The following C20orf203 variants were observed in gnomAD, a reference collection of about 807,000 sequenced individuals.
C20orf203 encodes the protein uncharacterized protein C20orf203.
A neutral mutation model predicts 15.9 loss-of-function variants in C20orf203; 16 were observed. The observed-to-expected ratio is 1.01, with a 90% CI of 0.68 to 1.53. The LOEUF (loss-of-function observed/expected upper bound fraction) is 1.53. C20orf203 is among the 40% of genes most tolerant of loss of function. The pLI is 0.00. For missense variants in C20orf203, 263 were observed against 247.5 expected, an observed-to-expected ratio of 1.06 and a Z score of -0.42; for synonymous variants, 98 against 97.2, an observed-to-expected ratio of 1.01 and a Z score of -0.05.
chr20:32,634,299 C>T, intron 5 of C20orf203, 29 bp from the exon 6 acceptor site: 1 of 398,302 alleles, frequency 2.5e-6, no homozygotes, highest in East Asian at 3.6e-5. Flanking sequence ...ATTAGCAAGA[C>T]AGGCATTGGG....
At chr20:32,642,389 T>C (rs1209515126) in intron 4 of C20orf203, among the ~76,000 whole-genome samples, 2 of 152,164 alleles carry the variant, frequency 1.3e-5, no homozygotes, top group African/African-American at 2.4e-5. Flanking sequence ...CAGACAAGTA[T>C]ATCTCTAGGA....
intron 5 of C20orf203, among the ~76,000 whole-genome samples, chr20:32,638,590 G>T (rs1224365867): frequency 2.0e-5 from 3 of 152,224 alleles, no homozygotes; most frequent in Non-Finnish European, 4.4e-5. Flanking sequence ...AAAGGGAAGA[G>T]GACAGAGACC....
rs576877978 is a variant in C20orf203 at position 32,637,347 on chromosome 20, A to T, written c.*1300-3077T>A. 3.3e-5 allele frequency among the ~76,000 whole-genome samples: 5 copies of T among 152,296 alleles called. No homozygotes were observed. The East Asian group carries it at 9.6e-4, about 29-fold the overall frequency. On this transcript the variant is annotated intron_variant, in intron 5 of 5. Transcript: ENST00000608990. The stretch of plus-strand genomic sequence containing the variant: ...AGAACCGCTTGAACCCAGGAAGAGG[A>T]GGTTGCAGGGAGCCAAGATCACGCC...
At chr20:32,671,163 A>G (rs1359234639) in intron 1 of C20orf203, among the ~76,000 whole-genome samples, 2 of 152,242 alleles carry the variant, frequency 1.3e-5, no homozygotes, top group Admixed American at 1.3e-4. Context: ...CATATGATCC[A>G]GGAATCCCAC....
intron 5 of C20orf203, among the ~76,000 whole-genome samples, chr20:32,638,922 G>A (rs529750806): frequency 6.6e-6 from 1 of 152,360 alleles, no homozygotes; most frequent in Admixed American, 6.5e-5. Flanking sequence ...TCTGTGTCAG[G>A]AGCTGCGGTG....
chr20:32,651,379 G>A (rs1399037543), intron 2 of C20orf203, among the ~76,000 whole-genome samples: 1 of 151,724 alleles, frequency 6.6e-6, no homozygotes, highest in African/African-American at 2.4e-5. Flanking sequence ...CGAGAAAATT[G>A]GAGCAAATGA....
In C20orf203 at chr20:32,650,424, G is replaced by C. The variant is rs374459215; in HGVS notation, c.*8C>G. 109 of 1,546,438 alleles carry C rather than the reference G, an allele frequency of 7.0e-5. No individual in the cohort carries two copies. The African/African-American group carries it at 1.4e-3, about 20-fold the overall frequency. On this transcript the variant is annotated 3_prime_UTR_variant, in exon 4 of 6. Transcript: ENST00000608990. Reference sequence around the variant, plus strand: ...GCAGAGCTGGGGGTGGGGGCGCCCTGGGCTCGGCTAATTAAACAGCGACCG... The same window carrying C: ...GCAGAGCTGGGGGTGGGGGCGCCCTCGGCTCGGCTAATTAAACAGCGACCG...
At chr20:32,666,309 A>C (rs545403596) in intron 1 of C20orf203, among the ~76,000 whole-genome samples, 65 of 151,992 alleles carry the variant, frequency 4.3e-4, no homozygotes, top group Non-Finnish European at 8.7e-4. Context: ...TCTACAAAAA[A>C]TACAAAAATT....
chr20:32,637,561 C>T (rs1982171511), intron 5 of C20orf203, among the ~76,000 whole-genome samples: 1 of 152,192 alleles, frequency 6.6e-6, no homozygotes, highest in Non-Finnish European at 1.5e-5. Flanking sequence ...CCACTCCCCA[C>T]CCCCACTTTA....
At chr20:32,636,046 GCCCCC>G (rs1204551549) in intron 5 of C20orf203, among the ~76,000 whole-genome samples, 1 of 152,038 alleles carries the variant, frequency 6.6e-6, no homozygotes, top group Non-Finnish European at 1.5e-5. Context: ...CAGCCCCCAG[GCCCCC>G]CTCAGGGTCC....
rs886610925 is a variant in C20orf203 at position 32,651,911 on chromosome 20, G to A, written c.-193C>T. On this transcript the variant is annotated 5_prime_UTR_variant, in exon 2 of 6. Transcript: ENST00000608990. ...TTGTTGAGCATCTACTGGATGCAGG[G>A]TCCTGAACAAGACCCCAGGAAGGGA... 3 of 152,204 alleles carry A rather than the reference G, an allele frequency of 2.0e-5. No individual in the cohort carries two copies. Among genetic ancestry groups the A allele is most frequent in the African/African-American group, 4.8e-5 (2 of 41,442 alleles). The allele number at this position is 152,204 out of a possible 1,614,324, so 9.4% of individuals were successfully genotyped here. A position where few individuals can be genotyped will look rare whatever the true frequency, so the allele number is the denominator to read the frequency against.
chr20:32,664,791 T>C (rs917875707), intron 1 of C20orf203, among the ~76,000 whole-genome samples: 2 of 152,214 alleles, frequency 1.3e-5, no homozygotes, highest in African/African-American at 4.8e-5. Flanking sequence ...TCACAGGGCG[T>C]TGGGTGCCTG....
Position 32,651,945 on chromosome 20 carries a change from A to C in C20orf203, c.-227T>G, listed in dbSNP as rs1982639938. On this transcript the variant is annotated 5_prime_UTR_variant, in exon 2 of 6. In the 5' UTR this introduces an upstream ATG that the reference lacks. Coordinates refer to ENST00000608990, the MANE Select transcript of C20orf203 (RefSeq NM_182584.4). ...AAGACCCCAGGAAGGGACTAAGATGAATCTGAGATTCACTCTGCCTTTAAG... is the reference window on the plus strand; with the variant it reads ...AAGACCCCAGGAAGGGACTAAGATGCATCTGAGATTCACTCTGCCTTTAAG... 1 of 152,210 alleles carries C rather than the reference A, an allele frequency of 6.6e-6. No individual in the cohort carries two copies. Among genetic ancestry groups the C allele is most frequent in the African/African-American group, 2.4e-5 (1 of 41,456 alleles). The allele number at this position is 152,210 out of a possible 1,614,324, so 9.4% of individuals were successfully genotyped here.
At chr20:32,646,678 G>T (rs1600929835) in intron 4 of C20orf203, among the ~76,000 whole-genome samples, 1 of 152,224 alleles carries the variant, frequency 6.6e-6, no homozygotes, top group African/African-American at 2.4e-5. Flanking sequence ...GTTGGGGAAA[G>T]GGTGGGAGCC....
chr20:32,652,322 C>CAAAA (rs11483593), intron 1 of C20orf203, among the ~76,000 whole-genome samples: 7 of 18,244 alleles, frequency 3.8e-4, no homozygotes, highest in Admixed American at 1.8e-3. Context: ...GACTCCATCT[C>CAAAA]AAAAAAAAAA....
Position 32,662,928 on chromosome 20 carries a change from T to G in C20orf203, c.-264+10704A>C, listed in dbSNP as rs113863668. Among the ~76,000 whole-genome samples the G allele has an allele frequency of 3.8e-4, 54 of 141,970 alleles. No homozygotes were observed. In the East Asian group the frequency reaches 4.7e-3, roughly 12 times the overall value. The allele number at this position is 141,970 out of a possible 152,430, so 93.1% of individuals were successfully genotyped here. Reference sequence around the variant, plus strand: ...AGAAAGGAACAGCTAGATATATATATATAGATAGATAGATATAAATATAGT... The same window carrying G: ...AGAAAGGAACAGCTAGATATATATAGATAGATAGATAGATATAAATATAGT... On this transcript the variant is annotated intron_variant, in intron 1 of 5. Transcript: ENST00000608990.
intron 1 of C20orf203, among the ~76,000 whole-genome samples, chr20:32,662,125 C>G (rs1400797553): frequency 2.0e-5 from 3 of 152,218 alleles, no homozygotes; most frequent in Non-Finnish European, 4.4e-5. Flanking sequence ...GATGATGGCA[C>G]CCAATCTTGG....
chr20:32,642,195 C>T (rs192727364), intron 4 of C20orf203, among the ~76,000 whole-genome samples: 29 of 152,304 alleles, frequency 1.9e-4, no homozygotes, highest in Admixed American at 1.0e-3. Context: ...GCATTTAGAG[C>T]CAGGTCTGGC....
At position 32,631,783 on chromosome 20, in the gene C20orf203, C is replaced by A. The variant is rs574564582; in HGVS notation, c.*3787G>T. On this transcript the variant is annotated 3_prime_UTR_variant, in exon 6 of 6. Coordinates refer to ENST00000608990, the MANE Select transcript of C20orf203 (RefSeq NM_182584.4). Reference sequence around the variant, plus strand: ...AGCCTGAAGCAGGGCTCAGTCTGGGCGCTCATAAGAGGCAGGGTCTGTGGG... The same window carrying A: ...AGCCTGAAGCAGGGCTCAGTCTGGGAGCTCATAAGAGGCAGGGTCTGTGGG... 6.6e-6 allele frequency: 1 copy of A among 152,226 alleles called. No homozygotes were observed. The allele number at this position is 152,226 out of a possible 1,614,324, so 9.4% of individuals were successfully genotyped here.
Sources: gnomAD v4.1 joint callset for allele counts (sites outside exome capture counted in the v4.1 genomes callset) on GRCh38, gnomAD v4.1.1 for gene constraint, MANE v1.5 for transcripts, NCBI Gene and HGNC (gene_info 2026-07-23, HGNC 2026-07-21) for gene names.